The following ZNF385D variants were observed in gnomAD, a reference collection of about 807,000 sequenced individuals.
The protein encoded by ZNF385D is zinc finger protein 659.
ZNF385D carries 15 observed loss-of-function variants against 35.8 expected under a neutral mutation model. The ratio of observed to expected loss-of-function variants is 0.42; its 90% confidence interval spans 0.28 to 0.64. The LOEUF (loss-of-function observed/expected upper bound fraction) is 0.64, where lower values mean the gene tolerates loss of function less well. Among genes scored for constraint, ZNF385D ranks in the 30% least tolerant of loss-of-function variants. The probability of loss-of-function intolerance (pLI) is 0.23; values close to 1 mark genes in which losing one functional copy is unlikely to be tolerated. For missense variants in ZNF385D, 474 were observed against 494.6 expected (o/e 0.96, Z 0.39); for synonymous variants, 212 against 186.8 (o/e 1.13, Z -1.10).
Position 21,857,807 on chromosome 3 carries a change from C to A in ZNF385D, c.326-192779G>T, listed in dbSNP as rs571539733. Reference sequence around the variant, plus strand: ...GCAATTCAGAGAGGAGTCACCTTTTCAAGGCATAGAGCCAAGCAGAGGAGG... The same window carrying A: ...GCAATTCAGAGAGGAGTCACCTTTTAAAGGCATAGAGCCAAGCAGAGGAGG... On this transcript the variant is annotated intron_variant, in intron 3 of 5. Transcript: ENST00000494108. Among the ~76,000 whole-genome samples, 8 of 151,890 alleles carry A rather than the reference C, an allele frequency of 5.3e-5. No individual in the cohort carries two copies. The South Asian group carries it at 1.7e-3, about 32-fold the overall frequency.
chr3:22,308,844 A>G (rs1703381234), intron 2 of ZNF385D, among the ~76,000 whole-genome samples: 1 of 152,028 alleles, frequency 6.6e-6, no homozygotes, highest in African/African-American at 2.4e-5. Flanking sequence ...TAAGTTTCCA[A>G]TTTTTTTCTC....
At chr3:21,981,927 T>C (rs1308621715) in intron 3 of ZNF385D, among the ~76,000 whole-genome samples, 1 of 152,196 alleles carries the variant, frequency 6.6e-6, no homozygotes, top group Non-Finnish European at 1.5e-5. Context: ...TTTACATGCC[T>C]GTTTTTGTAC....
At chr3:21,860,715 A>C (rs1697002759) in intron 3 of ZNF385D, among the ~76,000 whole-genome samples, 1 of 152,130 alleles carries the variant, frequency 6.6e-6, no homozygotes, top group Admixed American at 6.6e-5. Context: ...TTCTGCCTCA[A>C]AATCATATAT....
intron 3 of ZNF385D, among the ~76,000 whole-genome samples, chr3:21,554,080 T>C (rs113336163): frequency 1.2e-3 from 186 of 152,300 alleles, no homozygotes; most frequent in African/African-American, 4.3e-3. Flanking sequence ...TAATGGCATG[T>C]AGAATGGTGA....
intron 3 of ZNF385D, among the ~76,000 whole-genome samples, chr3:22,049,852 T>C (rs1208895858): frequency 1.3e-5 from 2 of 152,226 alleles, no homozygotes; most frequent in African/African-American, 4.8e-5. Context: ...TAAATCTCAC[T>C]TGATCATGGT....
intron 2 of ZNF385D, among the ~76,000 whole-genome samples, chr3:22,325,419 C>T (rs1458038279): frequency 6.6e-6 from 1 of 152,100 alleles, no homozygotes; most frequent in Non-Finnish European, 1.5e-5. Context: ...TAGACAAATT[C>T]TGGAAAACTG....
intron 4 of ZNF385D, among the ~76,000 whole-genome samples, chr3:21,453,613 G>C (rs1575172103): frequency 6.6e-6 from 1 of 152,034 alleles, no homozygotes. Context: ...CACATGAAAA[G>C]ATGCTCAACA....
chr3:21,736,330 T>C lies in ZNF385D; in HGVS notation c.22+14565A>G, dbSNP rs147627838. Among the ~76,000 whole-genome samples the C allele has an allele frequency of 3.8e-3, 573 of 152,350 alleles. 9 individuals carry two copies. Among genetic ancestry groups the C allele is most frequent in the African/African-American group, 0.012 (494 of 41,582 alleles). Reference sequence around the variant, plus strand: ...AAGACATGCTATAGATACTCCAGTTTATTTCTAAGCCTATTGTGTGCTAAA... The same window carrying C: ...AAGACATGCTATAGATACTCCAGTTCATTTCTAAGCCTATTGTGTGCTAAA... On this transcript the variant is annotated intron_variant, in intron 1 of 7. Coordinates refer to ENST00000281523, the MANE Select transcript of ZNF385D (RefSeq NM_024697.3).
rs73140841 is a variant in ZNF385D at position 21,763,684 on chromosome 3, T to C, written c.326-98656A>G. On this transcript the variant is annotated intron_variant, in intron 3 of 5. Transcript: ENST00000494108. ...GTTTTAGTTAAATAAAATCATACTC[T>C]CTGGAGGAAAAAACAATAACTTTGC... 5.6e-3 allele frequency among the ~76,000 whole-genome samples: 848 copies of C among 152,216 alleles called. 13 individuals are homozygous for C. The highest frequency in any genetic ancestry group is 0.02 in the African/African-American group (819 of 41,530).
At chr3:21,441,006 C>T (rs963682382) in intron 4 of ZNF385D, among the ~76,000 whole-genome samples, 1 of 152,042 alleles carries the variant, frequency 6.6e-6, no homozygotes, top group African/African-American at 2.4e-5. Context: ...AACTTTATTA[C>T]ATCAACATTT....
At chr3:21,566,889 A>G (rs888521717) in intron 2 of ZNF385D, among the ~76,000 whole-genome samples, 1 of 151,958 alleles carries the variant, frequency 6.6e-6, no homozygotes, top group African/African-American at 2.4e-5. Flanking sequence ...CCTGCTTTCT[A>G]TGTATTTTTC....
chr3:22,201,278 T>C (rs1025481026), intron 2 of ZNF385D, among the ~76,000 whole-genome samples: 9 of 152,162 alleles, frequency 5.9e-5, no homozygotes, highest in Non-Finnish European at 8.8e-5. Flanking sequence ...TTGGGGTCCC[T>C]GACATCCCGC....
At position 22,288,659 on chromosome 3, in the gene ZNF385D, T is replaced by G. The variant is rs184421850; in HGVS notation, c.106+83791A>C. 2.2e-3 allele frequency among the ~76,000 whole-genome samples: 331 copies of G among 152,294 alleles called. 4 individuals carry two copies. The highest frequency in any genetic ancestry group is 6.9e-3 in the African/African-American group (288 of 41,574). ...TTTGCTCCCCTAACCTCAGTGAGTA[T>G]TTTTATGACAGTTCTTTTGAATTCT... On this transcript the variant is annotated intron_variant, in intron 2 of 5. Transcript: ENST00000494108.
intron 2 of ZNF385D, among the ~76,000 whole-genome samples, chr3:22,174,653 GA>G (rs1448586527): frequency 2.0e-5 from 3 of 151,994 alleles, no homozygotes; most frequent in Non-Finnish European, 2.9e-5. Flanking sequence ...TAGAAATCTT[GA>G]TATGATAATA....
intron 2 of ZNF385D, among the ~76,000 whole-genome samples, chr3:22,186,577 A>G (rs138044886): frequency 6.6e-6 from 1 of 152,140 alleles, no homozygotes; most frequent in African/African-American, 2.4e-5. Flanking sequence ...CCATCATGCA[A>G]CCTTCTGATT....
intron 3 of ZNF385D, among the ~76,000 whole-genome samples, chr3:22,135,804 A>G (rs939108360): frequency 1.3e-5 from 2 of 152,244 alleles, no homozygotes; most frequent in South Asian, 4.1e-4. Flanking sequence ...ATAACAGAAG[A>G]GAGAGTCCAG....
At chr3:22,161,462 CT>C (rs958317620) in intron 3 of ZNF385D, among the ~76,000 whole-genome samples, 2 of 151,830 alleles carry the variant, frequency 1.3e-5, no homozygotes, top group African/African-American at 4.8e-5. Flanking sequence ...AATCAAAGGC[CT>C]TTTTAAAAGA....
chr3:22,278,175 G>A (rs1478905193), intron 2 of ZNF385D, among the ~76,000 whole-genome samples: 1 of 152,076 alleles, frequency 6.6e-6, no homozygotes, highest in African/African-American at 2.4e-5. Flanking sequence ...ATCAAGAAGA[G>A]AGGCATTTAA....
chr3:22,188,543 A>G (rs1307645557), intron 2 of ZNF385D, among the ~76,000 whole-genome samples: 14 of 151,586 alleles, frequency 9.2e-5, no homozygotes, highest in Non-Finnish European at 1.9e-4. Flanking sequence ...TCCGCTTCCC[A>G]GGTTCAAGCC....
Sources: allele counts gnomAD v4.1 joint callset (sites outside exome capture counted in the v4.1 genomes callset), GRCh38; gene constraint gnomAD v4.1.1; transcripts MANE v1.5; gene names NCBI Gene and HGNC (gene_info 2026-07-23, HGNC 2026-07-21).